The following TNRC6C variants were observed in gnomAD, a reference collection of about 807,000 sequenced individuals.
The protein encoded by TNRC6C is trinucleotide repeat-containing gene 6C protein.
TNRC6C carries 20 observed loss-of-function variants against 153.7 expected under a neutral mutation model. The observed-to-expected ratio is 0.13, with a 90% CI of 0.09 to 0.19. TNRC6C has a LOEUF of 0.19. TNRC6C is among the 10% of genes least tolerant of loss of function. The probability of loss-of-function intolerance (pLI) is 1.00; values close to 1 mark genes in which losing one functional copy is unlikely to be tolerated. For missense variants in TNRC6C, 1,987 were observed against 2,172.0 expected (o/e 0.91, Z 1.69); for synonymous variants, 811 against 841.4 (o/e 0.96, Z 0.63).
At chr17:78,098,043 C>G (rs2073520474) in intron 16 of TNRC6C, among the ~76,000 whole-genome samples, 182 bp downstream of exon 19, 1 of 152,230 alleles carries the variant, frequency 6.6e-6, no homozygotes, top group South Asian at 2.1e-4. Flanking sequence ...GGCACATCAG[C>G]TTGCACGCAC....
Position 78,075,305 on chromosome 17 carries a change from T to C in TNRC6C, c.3060+27T>C, listed in dbSNP as rs780007578. The C allele has an allele frequency of 2.6e-6, 4 of 1,552,066 alleles. No homozygotes were observed. The highest frequency in any genetic ancestry group is 2.6e-6 in the Non-Finnish European group (3 of 1,145,124). ...TATGAATATAGGTGGTTTGTTGTTT[T>C]TGCTTTTTTAACAAGAGGAGTTTTT... is the stretch of plus-strand genomic sequence containing the variant. On this transcript the variant is annotated intron_variant, in intron 8 of 19. Transcript: ENST00000301624. The surrounding 1 kb of genome is among the most constrained non-coding windows in gnomAD (Gnocchi z 4.2).
At chr17:78,099,637 A>G (rs2073553492) in intron 17 of TNRC6C, among the ~76,000 whole-genome samples, 1 of 152,208 alleles carries the variant, frequency 6.6e-6, no homozygotes, top group Admixed American at 6.5e-5. Flanking sequence ...AAACATGGGA[A>G]TTGTGGGAGT....
intron 6 of TNRC6C, among the ~76,000 whole-genome samples, chr17:78,071,506 C>T (rs2072995916): frequency 6.6e-6 from 1 of 152,234 alleles, no homozygotes; most frequent in East Asian, 1.9e-4. Flanking sequence ...CTGTCTCGGC[C>T]TCCCGAGTAG....
At position 78,030,384 on chromosome 17, in the gene TNRC6C, G is replaced by A. The variant is rs1365154840; in HGVS notation, c.-545-1132G>A. Reference sequence around the variant, plus strand: ...TCACCATTTTGGCCAGGCTGGTCTCGAACTCTTGACCTCAGGTGATCCGCC... The same window carrying A: ...TCACCATTTTGGCCAGGCTGGTCTCAAACTCTTGACCTCAGGTGATCCGCC... On this transcript the variant is annotated intron_variant, in intron 1 of 19. Transcript: ENST00000301624. 2.6e-5 allele frequency among the ~76,000 whole-genome samples: 4 copies of A among 152,108 alleles called. No homozygotes were observed. In the South Asian group the frequency reaches 6.2e-4, roughly 24 times the overall value.
intron 2 of TNRC6C, among the ~76,000 whole-genome samples, chr17:78,035,617 C>T (rs1019421293): frequency 6.6e-6 from 1 of 152,164 alleles, no homozygotes; most frequent in Non-Finnish European, 1.5e-5. Flanking sequence ...CCAGCATGGA[C>T]AACACAGCAA....
chr17:78,091,350 A>G (rs2073390201), intron 13 of TNRC6C, 90 bp from the exon 16 acceptor site: 8 of 1,334,298 alleles, frequency 6.0e-6, no homozygotes, highest in Non-Finnish European at 6.8e-6. Flanking sequence ...AATTTGCTGT[A>G]AGCGAAGACT....
Position 78,104,707 on chromosome 17 carries a change from G to T in TNRC6C, c.4935G>T (p.Glu1645Asp). 1 of 1,538,908 alleles carries T rather than the reference G, an allele frequency of 6.5e-7. No homozygotes were observed. The change falls in exon 20 of 20, where the codon GAG becomes GAT. Residue 1645 changes from glutamate to aspartate, a missense_variant. Around this residue, in one of 4 missense-constraint regions of TNRC6C, gnomAD observed 139 missense variants for 148.5 expected, o/e 0.94. Transcript: ENST00000301624. This position sits in a 1 kb window ranked among gnomAD's most constrained non-coding sequence, Gnocchi z 6.2. ...GCCTGGGTGGCAAGGGGAGCAGTGA[G>T]CTGCTGTGGGGCGGGGTGCCCCAGT...
In TNRC6C at chr17:78,005,359, C is replaced by G. The variant is rs1273226778; in HGVS notation, c.-546+280C>G. 2.0e-5 allele frequency among the ~76,000 whole-genome samples: 3 copies of G among 152,088 alleles called. No homozygotes were observed. In the East Asian group the frequency reaches 5.8e-4, roughly 29 times the overall value. On this transcript the variant is annotated intron_variant, in intron 1 of 19. Transcript: ENST00000301624. ...TTGATTTCCACCAAACAGGATCGAA[C>G]TGATAAAGTTGATTCAGTTTGAATA...
upstream of TNRC6C, among the ~76,000 whole-genome samples, chr17:77,999,444 TTATG>T (rs1268496980): frequency 6.6e-6 from 1 of 152,212 alleles, no homozygotes; most frequent in Non-Finnish European, 1.5e-5. Context: ...TTTTCATTAT[TTATG>T]TGTTTGTGTT....
upstream of TNRC6C, among the ~76,000 whole-genome samples, chr17:78,002,603 A>G (rs972702317): frequency 6.6e-5 from 10 of 152,284 alleles, no homozygotes; most frequent in Admixed American, 2.0e-4. Context: ...TTATAAAGCT[A>G]TTGTTCAGGC....
At chr17:78,073,060 G>T (rs866827162) in exon 7 of TNRC6C, 1 of 1,557,128 alleles carries the variant, frequency 6.4e-7, no homozygotes, top group East Asian at 2.4e-5. Context: ...AGGAGGCCTT[G>T]AAGAGTAACA....
At position 78,037,815 on chromosome 17, in the gene TNRC6C, T is replaced by C. The variant is rs114118808; in HGVS notation, c.-219+5973T>C. Among the ~76,000 whole-genome samples the C allele has an allele frequency of 9.2e-3, 1,397 of 152,292 alleles. 23 individuals carry two copies. Among genetic ancestry groups the C allele is most frequent in the African/African-American group, 0.031 (1,298 of 41,556 alleles). ...TTGCTTTTGGAACTTGATAGACTAA[T>C]TCCAAACTTCATCTAGAAGAGCGAA... On this transcript the variant is annotated intron_variant, in intron 2 of 19. Transcript: ENST00000301624.
chr17:77,980,603 A>G (rs949286225), intron 1 of TNRC6C, among the ~76,000 whole-genome samples: 8 of 152,034 alleles, frequency 5.3e-5, no homozygotes, highest in Non-Finnish European at 1.2e-4. Context: ...AACATTATCT[A>G]CCTGGAGATA....
intron 1 of TNRC6C, among the ~76,000 whole-genome samples, chr17:78,020,413 A>G (rs1027115899): frequency 2.1e-4 from 32 of 152,230 alleles, no homozygotes; most frequent in African/African-American, 7.5e-4. Context: ...AATAGTTGTA[A>G]GGGAAATTCT....
At chr17:78,048,300 T>C (rs2072450040) in intron 2 of TNRC6C, among the ~76,000 whole-genome samples, 1 of 152,230 alleles carries the variant, frequency 6.6e-6, no homozygotes, top group Non-Finnish European at 1.5e-5. Flanking sequence ...ATGTCTTTTC[T>C]CTCTTTCCTT....
chr17:78,008,319 C>T (rs988328099), intron 1 of TNRC6C: 4 of 152,122 alleles, frequency 2.6e-5, no homozygotes, highest in Admixed American at 1.3e-4. Flanking sequence ...AATTTTGTTC[C>T]TGGCTATCTT....
chr17:77,958,514 C>T (rs2070829911), upstream of TNRC6C, among the ~76,000 whole-genome samples: 1 of 151,860 alleles, frequency 6.6e-6, no homozygotes. Context: ...AGCCAATGGG[C>T]CGGGAGGGGC....
exon 11 of TNRC6C, chr17:78,083,088 T>G (rs1158851724): frequency 4.3e-6 from 7 of 1,613,984 alleles, no homozygotes; most frequent in Middle Eastern, 1.6e-4. Context: ...AAAACATTGG[T>G]CTCAACCCTG....
intron 3 of TNRC6C, among the ~76,000 whole-genome samples, chr17:78,064,241 G>A (rs1398214347): frequency 6.6e-6 from 1 of 151,750 alleles, no homozygotes; most frequent in African/African-American, 2.4e-5. Flanking sequence ...GATTACAAGT[G>A]CACGCCACCA....
Sources: allele counts gnomAD v4.1 joint callset (sites outside exome capture counted in the v4.1 genomes callset), GRCh38; gene constraint gnomAD v4.1.1; regional missense constraint gnomAD v4.1.1; non-coding constraint Gnocchi (gnomAD v3.1); transcripts MANE v1.5; gene names NCBI Gene and HGNC (gene_info 2026-07-23, HGNC 2026-07-21).